Variants in PARP8 observed in about 807,000 individuals in gnomAD.
The protein encoded by PARP8 is poly(ADP-ribose) polymerase family member 8, also known as protein mono-ADP-ribosyltransferase PARP8.
Under a neutral mutation model 124.1 loss-of-function variants are expected in PARP8, and 51 were observed. The observed-to-expected ratio is 0.41, with a 90% confidence interval of 0.33 to 0.52. The LOEUF is 0.52. Among genes scored for constraint, PARP8 ranks in the 20% least tolerant of loss-of-function variants. PARP8 has a pLI of 0.21. For missense variants in PARP8, 860 were observed against 1,018.9 expected (o/e 0.84, Z 2.12); for synonymous variants, 391 against 361.5 (o/e 1.08, Z -0.93).
At chr5:50,747,448 T>G (rs1758714552) in intron 2 of PARP8, among the ~76,000 whole-genome samples, 1 of 151,878 alleles carries the variant, frequency 6.6e-6, no homozygotes, top group African/African-American at 2.4e-5. Flanking sequence ...TGTTTTTAAT[T>G]TTTTTTTCTT....
rs1387949067 is a variant in PARP8 at position 50,842,656 on chromosome 5, G to A, written c.*588G>A. The stretch of plus-strand genomic sequence containing the variant: ...ATACATTCATGCATCAAAATGTGTG[G>A]TTGTGAATATATTTGTGTATATTCA... On this transcript the variant is annotated 3_prime_UTR_variant, in exon 26 of 26. Coordinates refer to ENST00000281631, the MANE Select transcript of PARP8 (RefSeq NM_024615.4). 2 of 151,628 alleles carry A rather than the reference G, an allele frequency of 1.3e-5. No individual in the cohort carries two copies. Among genetic ancestry groups the A allele is most frequent in the African/African-American group, 2.4e-5 (1 of 41,362 alleles). 9.4% of individuals were successfully genotyped at this position (151,628 alleles called of 1,614,324 possible).
At chr5:50,728,658 G>A (rs1484411126) in intron 2 of PARP8, among the ~76,000 whole-genome samples, 3 of 151,232 alleles carry the variant, frequency 2.0e-5, no homozygotes, top group Admixed American at 6.6e-5. Context: ...CCTTTTTTGA[G>A]ACCACTATTA....
At chr5:50,700,810 A>T (rs1201801661) in intron 2 of PARP8, among the ~76,000 whole-genome samples, 2 of 152,150 alleles carry the variant, frequency 1.3e-5, no homozygotes, top group East Asian at 3.9e-4. Flanking sequence ...CTACTCTTTC[A>T]TAAACTTCCA....
In PARP8 at chr5:50,825,074, A is replaced by G. The variant is rs551615442; in HGVS notation, c.1928+99A>G. On this transcript the variant is annotated intron_variant, in intron 18 of 25. Transcript: ENST00000281631. Reference sequence around the variant, plus strand: ...ACAAACAAAAGTAAACCTGTCTTACAAGCCCTGCAATGCTATAGTTCTACA... The same window carrying G: ...ACAAACAAAAGTAAACCTGTCTTACGAGCCCTGCAATGCTATAGTTCTACA... 27 of 987,846 alleles carry G rather than the reference A, an allele frequency of 2.7e-5. No homozygotes were observed. The Admixed American group carries it at 5.2e-4, about 19-fold the overall frequency. The allele number at this position is 987,846 out of a possible 1,614,324, so 61.2% of individuals were successfully genotyped here.
At position 50,795,418 on chromosome 5, in the gene PARP8, G is replaced by C; in HGVS notation, c.1428+1G>C. 6.3e-7 allele frequency: 1 copy of C among 1,575,016 alleles called. No homozygotes were observed. The highest frequency in any genetic ancestry group is 8.6e-7 in the Non-Finnish European group (1 of 1,165,132). On this transcript the variant is annotated splice_donor_variant, in intron 12 of 25. Transcript: ENST00000281631. LOFTEE classifies it high-confidence loss of function. ...TTCATCTTCATCTTCTCAGCTTGCTGTGCGTAAATATTTTCATCTTGAGTT... is the reference window on the plus strand; with the variant it reads ...TTCATCTTCATCTTCTCAGCTTGCTCTGCGTAAATATTTTCATCTTGAGTT...
At chr5:50,811,993 G>C (rs560877298) in intron 14 of PARP8, among the ~76,000 whole-genome samples, 2 of 152,258 alleles carry the variant, frequency 1.3e-5, no homozygotes, top group South Asian at 4.1e-4. Flanking sequence ...TGTCATTGAT[G>C]GACATTTGGG....
chr5:50,738,713 G>GT (rs1757722594), intron 2 of PARP8, among the ~76,000 whole-genome samples: 1 of 82,132 alleles, frequency 1.2e-5, no homozygotes, highest in African/African-American at 3.9e-5. Flanking sequence ...AAGCTGATAA[G>GT]TTAAAAAAAA....
Position 50,834,788 on chromosome 5 carries a change from C to A in PARP8, c.2378-143C>A. 5 of 720,498 alleles carry A rather than the reference C, an allele frequency of 6.9e-6. No individual in the cohort carries two copies. In the South Asian group the frequency reaches 7.6e-5, roughly 11 times the overall value. The allele number at this position is 720,498 out of a possible 1,614,324, so 44.6% of individuals were successfully genotyped here. On this transcript the variant is annotated intron_variant, in intron 24 of 25. Coordinates refer to ENST00000281631, the MANE Select transcript of PARP8 (RefSeq NM_024615.4). ...GTTTTTATCTATATTTCTTCATAGA[C>A]AATAAGGCTAAACAATTTTTATGTG...
At chr5:50,791,718 T>G (rs1199915463) in intron 10 of PARP8, among the ~76,000 whole-genome samples, 2 of 152,262 alleles carry the variant, frequency 1.3e-5, no homozygotes, top group South Asian at 4.1e-4. Flanking sequence ...GAGTCTGCAC[T>G]GATCAAACCT....
chr5:50,828,534 C>G (rs1205320498), intron 21 of PARP8, 150 bp downstream of exon 21: 5 of 668,088 alleles, frequency 7.5e-6, no homozygotes, highest in Non-Finnish European at 1.3e-5. Context: ...AGAACTGAAG[C>G]AGAACTGATC....
At position 50,845,791 on chromosome 5, in the gene PARP8, G is replaced by A. The variant is rs549691112; in HGVS notation, c.*3723G>A. 5.2e-4 allele frequency: 79 copies of A among 151,850 alleles called. No individual in the cohort carries two copies. The highest frequency in any genetic ancestry group is 1.6e-3 in the African/African-American group (66 of 41,516). The allele number at this position is 151,850 out of a possible 1,614,324, so 9.4% of individuals were successfully genotyped here. On this transcript the variant is annotated 3_prime_UTR_variant, in exon 26 of 26. Transcript: ENST00000281631. ...CCATTACCTAAAGCCACAATCTCCCGCTCTAAGGAGTTAAAGGATGAAAAC... is the reference window on the plus strand; with the variant it reads ...CCATTACCTAAAGCCACAATCTCCCACTCTAAGGAGTTAAAGGATGAAAAC...
chr5:50,778,936 A>T (rs1740347345), intron 9 of PARP8, among the ~76,000 whole-genome samples: 1 of 152,130 alleles, frequency 6.6e-6, no homozygotes, highest in African/African-American at 2.4e-5. Context: ...AAACTCAGTA[A>T]ATATATATAT....
chr5:50,753,682 A>G (rs1287177704), intron 3 of PARP8, among the ~76,000 whole-genome samples: 4 of 152,070 alleles, frequency 2.6e-5, no homozygotes, highest in African/African-American at 9.7e-5. Context: ...TGACTGCTAT[A>G]GGGGATGAGG....
At chr5:50,829,133 T>C (rs1161753097) in intron 21 of PARP8, among the ~76,000 whole-genome samples, 1 of 152,188 alleles carries the variant, frequency 6.6e-6, no homozygotes, top group Non-Finnish European at 1.5e-5. Flanking sequence ...TACCTGCTTT[T>C]CCGCCTCCAG....
At chr5:50,681,679 T>TTTCTTCCA (rs1195761637) in intron 2 of PARP8, among the ~76,000 whole-genome samples, 3 of 152,092 alleles carry the variant, frequency 2.0e-5, no homozygotes, top group African/African-American at 7.2e-5. Flanking sequence ...CAGAACAGGG[T>TTTCTTCCA]TTCTTCCAAC....
intron 2 of PARP8, among the ~76,000 whole-genome samples, chr5:50,693,801 A>C (rs945526887): frequency 4.0e-5 from 6 of 151,450 alleles, no homozygotes; most frequent in African/African-American, 1.5e-4. Flanking sequence ...TATGTGGATT[A>C]ATTGTATGAT....
chr5:50,765,863 A>T (rs1258778529), intron 7 of PARP8, among the ~76,000 whole-genome samples: 1 of 152,232 alleles, frequency 6.6e-6, no homozygotes, highest in Non-Finnish European at 1.5e-5. Flanking sequence ...CAAAGTTCTA[A>T]GTCTGTTGAA....
chr5:50,785,579 T>A (rs1741159684), intron 9 of PARP8, among the ~76,000 whole-genome samples: 2 of 152,184 alleles, frequency 1.3e-5, no homozygotes, highest in Non-Finnish European at 2.9e-5. Context: ...TTCAAGATGT[T>A]AGAATGTTCT....
intron 2 of PARP8, among the ~76,000 whole-genome samples, chr5:50,688,485 C>A (rs2149456244): frequency 6.6e-6 from 1 of 152,336 alleles, no homozygotes; most frequent in East Asian, 1.9e-4. Flanking sequence ...AATGAACAAA[C>A]TCCTTCCAAT....
Sources: allele counts gnomAD v4.1 joint callset (sites outside exome capture counted in the v4.1 genomes callset), GRCh38; gene constraint gnomAD v4.1.1; transcripts MANE v1.5; gene names NCBI Gene and HGNC (gene_info 2026-07-23, HGNC 2026-07-21).